The following CEMIP2 variants were observed in gnomAD, a reference collection of about 807,000 sequenced individuals.
The protein encoded by CEMIP2 is cell migration inducing hyaluronidase 2.
CEMIP2 carries 79 observed loss-of-function variants against 146.9 expected under a neutral mutation model. The ratio of observed to expected loss-of-function variants is 0.54; its 90% confidence interval spans 0.45 to 0.65. The LOEUF (loss-of-function observed/expected upper bound fraction) is 0.65, where lower values mean the gene tolerates loss of function less well. CEMIP2 is among the 30% of genes least tolerant of loss of function. CEMIP2 has a pLI of 0.00. For missense variants in CEMIP2, 1,596 were observed against 1,696.2 expected (o/e 0.94, Z 1.04); for synonymous variants, 601 against 606.3 (o/e 0.99, Z 0.13).
chr9:71,693,216 T>C (rs1323650824), intron 21 of CEMIP2, among the ~76,000 whole-genome samples: 1 of 152,196 alleles, frequency 6.6e-6, no homozygotes, highest in Non-Finnish European at 1.5e-5. Flanking sequence ...ACCAAGCCCC[T>C]AAAAAGACCA....
At position 71,709,480 on chromosome 9, in the gene CEMIP2, C is replaced by G. The variant is rs1822845546; in HGVS notation, c.2770-6G>C. The G allele has an allele frequency of 6.2e-7, 1 of 1,613,606 alleles. No individual in the cohort carries two copies. The highest frequency in any genetic ancestry group is 1.7e-5 in the Admixed American group (1 of 59,994). On this transcript the variant is annotated splice_polypyrimidine_tract_variant and splice_region_variant and intron_variant, in intron 16 of 23. Transcript: ENST00000377044. ...AAAAAGACATTCAGAGAGACCTGAC[C>G]ACAGTGAAAAAGAAAGACATCACAA...
Position 71,760,559 on chromosome 9 carries a change from T to C in CEMIP2, c.-13+7798A>G, listed in dbSNP as rs1212521935. Among the ~76,000 whole-genome samples the C allele has an allele frequency of 1.3e-5, 2 of 151,262 alleles. 1 individual carries two copies. Among genetic ancestry groups the C allele is most frequent in the Non-Finnish European group, 3.0e-5 (2 of 67,686 alleles). On this transcript the variant is annotated intron_variant, in intron 1 of 23. Coordinates refer to ENST00000377044, the MANE Select transcript of CEMIP2 (RefSeq NM_013390.3). ...TTTTTCCAACGATGTTAAACAAGTC[T>C]ATGAGAAGTAATGCTTGACCCTAAA...
chr9:71,691,145 AG>A (rs2131854382), intron 21 of CEMIP2, among the ~76,000 whole-genome samples: 2 of 152,318 alleles, frequency 1.3e-5, no homozygotes, highest in Admixed American at 1.3e-4. Flanking sequence ...TGGCACTTTA[AG>A]GCCAGGTGTG....
Position 71,732,428 on chromosome 9 carries a change from C to G in CEMIP2, c.1486G>C (p.Gly496Arg), listed in dbSNP as rs1463292134. 6.2e-7 allele frequency: 1 copy of G among 1,613,928 alleles called. No individual in the cohort carries two copies. Among genetic ancestry groups the G allele is most frequent in the East Asian group, 2.2e-5 (1 of 44,878 alleles). ...GCGTAGCATGAGTCCTCCACTTCTC[C>G]TTGGATCACAATATTCCGGGTAAGA... ...GILTRNIVIQ[G>R]EVEDSCYAEN... The change falls in exon 7 of 24, where the codon GGA becomes CGA. Residue 496 changes from glycine to arginine, a missense_variant. Physicochemically the swap from Gly to Arg is moderately radical, Grantham distance 125. Coordinates refer to ENST00000377044, the MANE Select transcript of CEMIP2 (RefSeq NM_013390.3).
chr9:71,696,844 T>C (rs1381878085), intron 20 of CEMIP2, among the ~76,000 whole-genome samples: 1 of 151,972 alleles, frequency 6.6e-6, no homozygotes, highest in Non-Finnish European at 1.5e-5. Flanking sequence ...ATCCACCTCT[T>C]TCTTCCTGGT....
At chr9:71,711,684 T>C (rs1014634770) in intron 16 of CEMIP2, among the ~76,000 whole-genome samples, 5 of 152,006 alleles carry the variant, frequency 3.3e-5, no homozygotes, top group African/African-American at 1.2e-4. Context: ...TATTCTCTAG[T>C]CCCCCAGAAG....
chr9:71,742,901 A>T (rs1455257424), intron 4 of CEMIP2, among the ~76,000 whole-genome samples: 1 of 152,208 alleles, frequency 6.6e-6, no homozygotes, highest in East Asian at 1.9e-4. Flanking sequence ...TGGTATATTC[A>T]TACGACAGAA....
intron 19 of CEMIP2, among the ~76,000 whole-genome samples, chr9:71,699,620 G>A (rs1022523026): frequency 1.3e-5 from 2 of 152,006 alleles, no homozygotes; most frequent in African/African-American, 2.4e-5. Flanking sequence ...ACTGAGCCCC[G>A]ACTTCATTCC....
In CEMIP2 at chr9:71,704,669, C is replaced by T. The variant is rs757790702; in HGVS notation, c.3120G>A (p.Leu1040=). ...TCCAGTGGATGGTATAACCCTTCTC[C>T]AGCATGACGACAGGCTGGTACTGTG... is the stretch of plus-strand genomic sequence containing the variant. ...AFPQYQPVVM[L]EKGYTIHWNG... The change falls in exon 18 of 24, where the codon CTG becomes CTA. Residue 1040 remains leucine, a synonymous_variant. Transcript: ENST00000377044. 103 of 1,614,024 alleles carry T rather than the reference C, an allele frequency of 6.4e-5. No homozygotes were observed. Among genetic ancestry groups the T allele is most frequent in the Non-Finnish European group, 8.6e-5 (102 of 1,180,034 alleles).
At chr9:71,744,790 G>A (rs182092428) in intron 4 of CEMIP2, among the ~76,000 whole-genome samples, 1 of 152,278 alleles carries the variant, frequency 6.6e-6, no homozygotes, top group Non-Finnish European at 1.5e-5. Flanking sequence ...TCACAAGTCT[G>A]GCACTCCAGT....
rs140018923 is a variant in CEMIP2, at chr9:71,750,831, C to T, written c.-12-446G>A. 9.7e-4 allele frequency among the ~76,000 whole-genome samples: 147 copies of T among 152,196 alleles called. 3 individuals carry two copies. In the East Asian group the frequency reaches 0.013, roughly 13 times the overall value. ...GCATGATCATAGATCACTACAGTCTCGCACTCCTGGGCTCAAGCAATCCTC... is the reference window on the plus strand; with the variant it reads ...GCATGATCATAGATCACTACAGTCTTGCACTCCTGGGCTCAAGCAATCCTC... On this transcript the variant is annotated intron_variant, in intron 1 of 23. Transcript: ENST00000377044.
chr9:71,753,992 C>A (rs1824337144), intron 1 of CEMIP2, among the ~76,000 whole-genome samples: 1 of 152,114 alleles, frequency 6.6e-6, no homozygotes, highest in African/African-American at 2.4e-5. Context: ...CATGTTCTCA[C>A]TCATAGGTGG....
intron 3 of CEMIP2, 83 bp downstream of exon 3, chr9:71,746,118 T>C: frequency 6.7e-7 from 1 of 1,486,650 alleles, no homozygotes; most frequent in South Asian, 1.3e-5. Flanking sequence ...TGCCTAAAAA[T>C]AGTCTTCTAC....
intron 18 of CEMIP2, among the ~76,000 whole-genome samples, chr9:71,703,983 A>T (rs1355218540): frequency 2.6e-5 from 4 of 152,228 alleles, no homozygotes; most frequent in Admixed American, 1.3e-4. Flanking sequence ...AACTCCTAGA[A>T]GGCAAGTACT....
intron 15 of CEMIP2, among the ~76,000 whole-genome samples, chr9:71,714,245 C>T (rs1214254323): frequency 6.6e-6 from 1 of 152,186 alleles, no homozygotes; most frequent in Non-Finnish European, 1.5e-5. Context: ...TATTTTTCTA[C>T]CTGGTTTTCT....
intron 21 of CEMIP2, among the ~76,000 whole-genome samples, chr9:71,694,139 T>A (rs1213506454): frequency 8.0e-6 from 1 of 124,296 alleles, no homozygotes; most frequent in Admixed American, 8.1e-5. Flanking sequence ...TTATTTATTT[T>A]GGAGACAGAG....
intron 2 of CEMIP2, among the ~76,000 whole-genome samples, chr9:71,749,192 T>C (rs1824175211): frequency 6.6e-6 from 1 of 152,220 alleles, no homozygotes; most frequent in South Asian, 2.1e-4. Context: ...TATTTAACTA[T>C]GAAGTAATGA....
rs1824049040 is a variant in CEMIP2, at chr9:71,745,246, AC to A, written c.805del (p.Val269Ter). On this transcript the variant is annotated frameshift_variant, in exon 4 of 24. Coordinates refer to ENST00000377044, the MANE Select transcript of CEMIP2 (RefSeq NM_013390.3). LOFTEE classifies it high-confidence loss of function. ...GGCCGTGTCTTGGTCAATGACCCTC[AC>A]ATTGAGGCCCCGGGAAAAGTCCTTT... ...FEKDFSRGLN[V>X]RVIDQDTAKI... 6.2e-7 allele frequency: 1 copy of A among 1,614,106 alleles called. No individual in the cohort carries two copies. The highest frequency in any genetic ancestry group is 8.5e-7 in the Non-Finnish European group (1 of 1,180,024).
intron 5 of CEMIP2, among the ~76,000 whole-genome samples, chr9:71,737,165 A>AAAAAAAAAAAGAAAGAAAG: frequency 6.7e-6 from 1 of 149,692 alleles, no homozygotes; most frequent in Non-Finnish European, 1.5e-5. Flanking sequence ...CAAAAAAAAA[A>AAAAAAAAAAAGAAAGAAAG]AAAAAAAAGA....
Sources: allele counts gnomAD v4.1 joint callset (sites outside exome capture counted in the v4.1 genomes callset), GRCh38; gene constraint gnomAD v4.1.1; transcripts MANE v1.5; gene names NCBI Gene and HGNC (gene_info 2026-07-23, HGNC 2026-07-21).